The following SH3PXD2A variants were observed in gnomAD, a reference collection of about 807,000 sequenced individuals.
SH3PXD2A encodes SH3 and PX domains 2A, also known as SH3 and PX domain-containing protein 2A.
Under a neutral mutation model 115.2 loss-of-function variants are expected in SH3PXD2A, and 32 were observed. The ratio of observed to expected loss-of-function variants is 0.28; its 90% confidence interval spans 0.21 to 0.37. SH3PXD2A has a LOEUF of 0.37. Ranked by LOEUF, SH3PXD2A falls within the 10% of genes least tolerant of loss-of-function variation. The pLI is 1.00. For missense variants in SH3PXD2A, 1,328 were observed against 1,498.7 expected (o/e 0.89, Z 1.88); for synonymous variants, 610 against 629.1 (o/e 0.97, Z 0.45).
chr10:103,614,700 C>G (rs2036481661), intron 11 of SH3PXD2A, among the ~76,000 whole-genome samples: 1 of 152,208 alleles, frequency 6.6e-6, no homozygotes, highest in Admixed American at 6.5e-5. Flanking sequence ...CATCTGCTCC[C>G]TGGACACATC....
chr10:103,701,939 C>T (rs1298176503), intron 5 of SH3PXD2A, among the ~76,000 whole-genome samples: 1 of 151,342 alleles, frequency 6.6e-6, no homozygotes, highest in Non-Finnish European at 1.5e-5. Context: ...ATCCATCCTT[C>T]ATCCAGCCAT....
In SH3PXD2A at chr10:103,602,293, C is replaced by T; in HGVS notation, c.2925G>A (p.Val975=). The change falls in exon 15 of 15, where the codon GTG becomes GTA. Residue 975 remains valine, a synonymous_variant. Transcript: ENST00000369774. ...CAAACACCGACTGGGGCCTGACCGC[C>T]ACCTGCCGCACTCCGTTCCTCATCT... ...AVKMRNGVRQ[V]AVRPQSVFVS... 6.2e-7 allele frequency: 1 copy of T among 1,613,582 alleles called. No individual in the cohort carries two copies. The highest frequency in any genetic ancestry group is 8.5e-7 in the Non-Finnish European group (1 of 1,179,912).
rs1310840402 is a variant in SH3PXD2A, at chr10:103,692,915, T to A, written c.427+113A>T. ...GCCCGGCAGGACCCGTAGGCTGGCG[T>A]GCAAGGACAACCCCCCCCTCCCCGC... On this transcript the variant is annotated intron_variant, in intron 6 of 14. Transcript: ENST00000369774. The A allele has an allele frequency of 4.5e-6, 4 of 887,170 alleles. No individual in the cohort carries two copies. The African/African-American group carries it at 6.8e-5, about 15-fold the overall frequency. The allele number at this position is 887,170 out of a possible 1,614,324, so 55.0% of individuals were successfully genotyped here.
intron 6 of SH3PXD2A, among the ~76,000 whole-genome samples, chr10:103,670,245 G>C (rs2037438770): frequency 6.6e-6 from 1 of 152,198 alleles, no homozygotes. Flanking sequence ...TTTGGGGTCT[G>C]ACTGCCTGGG....
chr10:103,617,522 C>T (rs2036537616), intron 10 of SH3PXD2A, among the ~76,000 whole-genome samples: 1 of 152,158 alleles, frequency 6.6e-6, no homozygotes, highest in Non-Finnish European at 1.5e-5. Flanking sequence ...CTGCTGCTCC[C>T]AGTGTGTGCC....
At chr10:103,681,794 G>A (rs557085383) in intron 6 of SH3PXD2A, among the ~76,000 whole-genome samples, 2 of 152,176 alleles carry the variant, frequency 1.3e-5, no homozygotes, top group East Asian at 1.9e-4. Context: ...AATGCAGATC[G>A]GCCAGATGCG....
chr10:103,825,152 A>C (rs1055787135), intron 1 of SH3PXD2A, among the ~76,000 whole-genome samples: 1 of 152,166 alleles, frequency 6.6e-6, no homozygotes, highest in African/African-American at 2.4e-5. Context: ...AATTCTGTGA[A>C]TGCATCCCTA....
At chr10:103,794,233 C>T (rs1387757831) in intron 2 of SH3PXD2A, among the ~76,000 whole-genome samples, 2 of 152,166 alleles carry the variant, frequency 1.3e-5, no homozygotes, top group Non-Finnish European at 2.9e-5. Flanking sequence ...GAGAGAAAAG[C>T]TTGTCAAAAT....
intron 2 of SH3PXD2A, among the ~76,000 whole-genome samples, chr10:103,775,905 T>A (rs1443010748): frequency 6.6e-6 from 1 of 152,020 alleles, no homozygotes; most frequent in Non-Finnish European, 1.5e-5. Context: ...GACTGGCAGG[T>A]GGGAGGTCTC....
intron 10 of SH3PXD2A, among the ~76,000 whole-genome samples, chr10:103,618,932 G>A (rs2036561952): frequency 6.6e-6 from 1 of 152,218 alleles, no homozygotes; most frequent in Admixed American, 6.5e-5. Flanking sequence ...CTGCAGCCCT[G>A]TGCTGAGCCG....
intron 5 of SH3PXD2A, among the ~76,000 whole-genome samples, chr10:103,696,925 G>T (rs980331072): frequency 7.9e-5 from 12 of 152,258 alleles, no homozygotes; most frequent in African/African-American, 2.9e-4. Context: ...CACAGGTCTG[G>T]CCTGGCTGGG....
At chr10:103,699,803 C>G (rs1334399043) in intron 5 of SH3PXD2A, among the ~76,000 whole-genome samples, 1 of 152,224 alleles carries the variant, frequency 6.6e-6, no homozygotes, top group African/African-American at 2.4e-5. Flanking sequence ...AGAATCTGTC[C>G]TTTCTCCGCA....
At chr10:103,634,838 C>A (rs1039947211) in intron 8 of SH3PXD2A, among the ~76,000 whole-genome samples, 2 of 152,086 alleles carry the variant, frequency 1.3e-5, no homozygotes, top group Non-Finnish European at 1.5e-5. Flanking sequence ...AGTTACTAGA[C>A]CTTTCTGAGT....
At chr10:103,814,815 A>G (rs2039307325) in intron 1 of SH3PXD2A, among the ~76,000 whole-genome samples, 1 of 152,230 alleles carries the variant, frequency 6.6e-6, no homozygotes, top group Non-Finnish European at 1.5e-5. Flanking sequence ...TGGAGCTTAT[A>G]TGGGAGGCAA....
chr10:103,668,612 C>CA lies in SH3PXD2A; in HGVS notation c.467dup (p.Thr157AspfsTer22), dbSNP rs547309222. The CA allele has an allele frequency of 1.9e-6, 3 of 1,555,808 alleles. No individual in the cohort carries two copies. The highest frequency in any genetic ancestry group is 2.6e-6 in the Non-Finnish European group (3 of 1,149,402). On this transcript the variant is annotated frameshift_variant, in exon 7 of 15. Coordinates refer to ENST00000369774, the MANE Select transcript of SH3PXD2A (RefSeq NM_001394015.1). LOFTEE classifies it high-confidence loss of function. Reference sequence around the variant, plus strand: ...TGCATGCACGCTGGGCAGTACCTGTCACGTCCTTCTTGGGCGACTCAGCCC... The same window carrying CA: ...TGCATGCACGCTGGGCAGTACCTGTCAACGTCCTTCTTGGGCGACTCAGCCC...
Position 103,665,850 on chromosome 10 carries a change from AG to A in SH3PXD2A, c.472+2757del, listed in dbSNP as rs138056830. ...GGAGTGCTTGGCAGGAGCATGGAGA[AG>A]GGGTGTACCTCTTCTAGACAGCAGA... On this transcript the variant is annotated intron_variant, in intron 7 of 14. Transcript: ENST00000369774. The surrounding 1 kb of genome is among the most constrained non-coding windows in gnomAD (Gnocchi z 4.0). 2.5e-3 allele frequency among the ~76,000 whole-genome samples: 386 copies of A among 152,212 alleles called. 3 individuals are homozygous for A. The highest frequency in any genetic ancestry group is 8.7e-3 in the African/African-American group (361 of 41,532).
chr10:103,707,298 T>C (rs1243485234), intron 5 of SH3PXD2A, among the ~76,000 whole-genome samples: 4 of 151,718 alleles, frequency 2.6e-5, no homozygotes, highest in Non-Finnish European at 5.9e-5. Flanking sequence ...CGGGTTCAAG[T>C]GATTCTCCTG....
intron 7 of SH3PXD2A, chr10:103,661,970 C>T (rs1190720260): frequency 1.0e-6 from 1 of 985,200 alleles, no homozygotes; most frequent in Non-Finnish European, 1.2e-6. Flanking sequence ...CAGGCGCTGC[C>T]ACCGAGCCCA....
At chr10:103,661,169 C>A in intron 7 of SH3PXD2A, 55 bp from the exon 8 acceptor site, 2 of 1,589,526 alleles carry the variant, frequency 1.3e-6, no homozygotes, top group Non-Finnish European at 1.7e-6. Context: ...GCCCCGCGGC[C>A]AGGGCGCCCC....
Sources: gnomAD v4.1 joint callset for allele counts (sites outside exome capture counted in the v4.1 genomes callset) on GRCh38, gnomAD v4.1.1 for gene constraint, Gnocchi (gnomAD v3.1) non-coding constraint, MANE v1.5 for transcripts, NCBI Gene and HGNC (gene_info 2026-07-23, HGNC 2026-07-21) for gene names.